The following CSMD3 variants were observed in gnomAD, a reference collection of about 807,000 sequenced individuals.
CSMD3 encodes the protein CUB and Sushi multiple domains 3, also known as CUB and sushi domain-containing protein 3.
In CSMD3, 177 loss-of-function variants were observed where a neutral mutation model predicts 435.2. That is an observed-to-expected ratio of 0.41 (90% CI 0.36 to 0.46). The LOEUF is 0.46. CSMD3 is among the 20% of genes least tolerant of loss of function. The pLI is 0.34. For synonymous variants in CSMD3, 1,656 were observed against 1,520.5 expected (o/e 1.09, Z -2.07); for missense variants, 4,265 against 4,504.6 (o/e 0.95, Z 1.52).
rs560324394 is a variant in CSMD3 at position 112,985,066 on chromosome 8, A to G, written c.1031-8918T>C. On this transcript the variant is annotated intron_variant, in intron 6 of 70. Transcript: ENST00000297405. ...CTTCACCCATGTCTTTCAAGTAAAC[A>G]GTCTAATAGCTATTTAAAAAATAAC... Among the ~76,000 whole-genome samples the G allele has an allele frequency of 3.3e-5, 5 of 152,056 alleles. No individual in the cohort carries two copies. The South Asian group carries it at 1.0e-3, about 32-fold the overall frequency.
intron 5 of CSMD3, among the ~76,000 whole-genome samples, chr8:113,077,675 C>T (rs886510706): frequency 6.6e-6 from 1 of 152,124 alleles, no homozygotes; most frequent in East Asian, 1.9e-4. Flanking sequence ...TGGACTCCAG[C>T]CTGGGTGACA....
intron 16 of CSMD3, among the ~76,000 whole-genome samples, chr8:112,679,377 T>G (rs2075837471): frequency 6.6e-6 from 1 of 152,052 alleles, no homozygotes; most frequent in African/African-American, 2.4e-5. Context: ...CTTCCTTGGC[T>G]CCAACCTCAT....
rs1825127491 is a variant in CSMD3 at position 112,341,660 on chromosome 8, A to G, written c.6469T>C (p.Ser2157Pro). 6.2e-7 allele frequency: 1 copy of G among 1,609,956 alleles called. No homozygotes were observed. ...FGVHLQFVNF[S>P]TETIHDYLEV... is the part of the protein sequence containing the mutation. ...AAATAATCATGTATGGTTTCTGTAG[A>G]AAAATTTACAAACTGGAGATGTACA... Residue 2157 changes from serine to proline, a missense_variant, in exon 42 of 71, where the codon TCT (serine) becomes CCT (proline). Ser to Pro is a moderately conservative substitution (Grantham distance 74). Coordinates refer to ENST00000297405, the MANE Select transcript of CSMD3 (RefSeq NM_198123.2).
intron 22 of CSMD3, among the ~76,000 whole-genome samples, chr8:112,624,572 C>A (rs1369760576): frequency 6.6e-6 from 1 of 152,046 alleles, no homozygotes; most frequent in Non-Finnish European, 1.5e-5. Flanking sequence ...CTTCATCTCT[C>A]TGATCACTGC....
intron 7 of CSMD3, among the ~76,000 whole-genome samples, chr8:112,966,920 C>T (rs2084439292): frequency 6.6e-6 from 1 of 151,828 alleles, no homozygotes; most frequent in South Asian, 2.1e-4. Flanking sequence ...CTGTGATTAT[C>T]CTAGTGGAGA....
intron 13 of CSMD3, among the ~76,000 whole-genome samples, chr8:112,775,723 C>T (rs1332065266): frequency 2.0e-5 from 3 of 151,798 alleles, no homozygotes; most frequent in African/African-American, 4.8e-5. Context: ...CTACTTAACC[C>T]ACTTTGCCAA....
rs542496310 is a variant in CSMD3 at position 113,305,251 on chromosome 8, T to C, written c.401+9320A>G. Among the ~76,000 whole-genome samples the C allele has an allele frequency of 7.9e-5, 12 of 152,236 alleles. No homozygotes were observed. The South Asian group carries it at 1.7e-3, about 21-fold the overall frequency. The stretch of plus-strand genomic sequence containing the variant: ...CACCAGCGTGGCACATGTATACATA[T>C]GTAACTAATCTGCACATTGTACACA... On this transcript the variant is annotated intron_variant, in intron 2 of 70. Transcript: ENST00000297405.
chr8:113,362,936 C>A (rs748960), intron 1 of CSMD3, among the ~76,000 whole-genome samples: 10,428 of 152,106 alleles, frequency 0.069, 513 homozygotes, highest in Non-Finnish European at 0.1. Flanking sequence ...CTTTGAACAC[C>A]AATGCTGAGG....
At chr8:112,503,718 T>A in intron 30 of CSMD3, 72 bp downstream of exon 30, 1 of 1,085,236 alleles carries the variant, frequency 9.2e-7, no homozygotes, top group Non-Finnish European at 1.4e-6. Context: ...CAATGGGCCA[T>A]ACCAAATTAT....
rs147141465 is a variant in CSMD3, at chr8:112,427,745, G to C, written c.5396-18713C>G. 2.6e-5 allele frequency among the ~76,000 whole-genome samples: 4 copies of C among 152,212 alleles called. No individual in the cohort carries two copies. In the South Asian group the frequency reaches 6.2e-4, roughly 24 times the overall value. ...CATCCTACAGTATATCTTTCCATCA[G>C]CTTCATACATAGAAGCATTCAGGTC... On this transcript the variant is annotated intron_variant, in intron 32 of 70. Coordinates refer to ENST00000297405, the MANE Select transcript of CSMD3 (RefSeq NM_198123.2).
intron 38 of CSMD3, among the ~76,000 whole-genome samples, chr8:112,368,442 C>A (rs1388742835): frequency 2.0e-5 from 3 of 152,166 alleles, no homozygotes; most frequent in Non-Finnish European, 2.9e-5. Flanking sequence ...TTGCAATGCA[C>A]AATTATCTGA....
intron 13 of CSMD3, among the ~76,000 whole-genome samples, chr8:112,737,133 G>A (rs1460467976): frequency 6.6e-6 from 1 of 151,956 alleles, no homozygotes; most frequent in African/African-American, 2.4e-5. Context: ...GCCATCAGAT[G>A]GCTTTCTGTA....
At chr8:112,333,200 T>C (rs1197425797) in intron 45 of CSMD3, among the ~76,000 whole-genome samples, 1 of 152,116 alleles carries the variant, frequency 6.6e-6, no homozygotes, top group Non-Finnish European at 1.5e-5. Context: ...AGAGCTTCAC[T>C]CTTGTTGCCC....
chr8:112,920,794 CCTTT>C (rs949859786), intron 10 of CSMD3, among the ~76,000 whole-genome samples: 37 of 151,478 alleles, frequency 2.4e-4, no homozygotes, highest in African/African-American at 7.5e-4. Flanking sequence ...TGTGTTAGTG[CCTTT>C]CTTTATTTTC....
At chr8:112,956,355 T>G (rs1272342829) in intron 7 of CSMD3, among the ~76,000 whole-genome samples, 1 of 152,094 alleles carries the variant, frequency 6.6e-6, no homozygotes, top group Non-Finnish European at 1.5e-5. Flanking sequence ...TCTGAAGTGT[T>G]CAACTGCTCT....
chr8:112,981,641 T>C (rs2085057193), intron 6 of CSMD3, among the ~76,000 whole-genome samples: 1 of 151,658 alleles, frequency 6.6e-6, no homozygotes, highest in African/African-American at 2.4e-5. Context: ...TCAGTAAATG[T>C]AGTGGTACAT....
intron 23 of CSMD3, among the ~76,000 whole-genome samples, chr8:112,582,851 T>C (rs1196516161): frequency 1.3e-5 from 2 of 151,976 alleles, no homozygotes; most frequent in African/African-American, 4.8e-5. Context: ...AACTTATTCA[T>C]CCCTTTCACC....
intron 38 of CSMD3, among the ~76,000 whole-genome samples, chr8:112,372,902 G>A (rs116028795): frequency 0.038 from 5,665 of 149,738 alleles, 354 homozygotes; most frequent in African/African-American, 0.13. Context: ...CAGCCTATCC[G>A]CCAGCATTTA....
At chr8:112,341,849 G>C (rs1425232632) in intron 41 of CSMD3, among the ~76,000 whole-genome samples, 163 bp from the exon 42 acceptor site, 2 of 152,086 alleles carry the variant, frequency 1.3e-5, no homozygotes, top group Non-Finnish European at 2.9e-5. Context: ...CCTAGGACAG[G>C]TAACTTTGCT....
Sources: gnomAD v4.1 joint callset for allele counts (sites outside exome capture counted in the v4.1 genomes callset) on GRCh38, gnomAD v4.1.1 for gene constraint, MANE v1.5 for transcripts, NCBI Gene and HGNC (gene_info 2026-07-23, HGNC 2026-07-21) for gene names.